Variants in ZNF367 observed in about 807,000 individuals in gnomAD.
ZNF367 encodes the protein C2H2 zinc finger protein ZFF29.
Under a neutral mutation model 31.8 loss-of-function variants are expected in ZNF367, and 11 were observed. The ratio of observed to expected loss-of-function variants is 0.35; its 90% CI spans 0.22 to 0.57. ZNF367 has a LOEUF of 0.57. Among genes scored for constraint, ZNF367 ranks in the 20% least tolerant of loss-of-function variants. The pLI is 0.85. For missense variants in ZNF367, 353 were observed against 484.1 expected (o/e 0.73, Z 2.54); for synonymous variants, 199 against 202.4 (o/e 0.98, Z 0.14).
In ZNF367 at chr9:96,417,674, G is replaced by T; in HGVS notation, c.359C>A (p.Ala120Asp). The change falls in exon 1 of 5, where the codon GCC becomes GAC. Residue 120 changes from alanine (A) to aspartate (D), a missense_variant. By Grantham distance (126) the Ala-to-Asp change is moderately radical. Coordinates refer to ENST00000375256, the MANE Select transcript of ZNF367 (RefSeq NM_153695.4). This position sits in a 1 kb window ranked among gnomAD's most constrained non-coding sequence, Gnocchi z 5.0. ...CTCGTCCTCACCTCCCGAGGCGGCG[G>T]CGGAGGCCGAGGCGGCGGGCGGGGG... is the stretch of plus-strand genomic sequence containing the variant. ...GAPPPAASAS[A>D]AASGGEDEEE... is the part of the protein sequence containing the mutation. 1 of 1,079,440 alleles carries T rather than the reference G, an allele frequency of 9.3e-7. No individual in the cohort carries two copies. The highest frequency in any genetic ancestry group is 1.2e-6 in the Non-Finnish European group (1 of 857,332). The allele number at this position is 1,079,440 out of a possible 1,614,324, so 66.9% of individuals were successfully genotyped here.
intron 1 of ZNF367, among the ~76,000 whole-genome samples, chr9:96,409,740 CAA>C (rs1368402966): frequency 1.3e-5 from 2 of 152,164 alleles, no homozygotes; most frequent in Non-Finnish European, 2.9e-5. Context: ...ACATATAGCT[CAA>C]GTCTTGCTTG....
Position 96,388,387 on chromosome 9 carries a change from C to T in ZNF367, c.903G>A (p.Gln301=). ...GKLVQKADQE[Q]QDPLEYLQSD... Reference sequence around the variant, plus strand: ...ACTGAAGGTATTCCAGAGGGTCCTGCTGCTCCTGATCAGCCTTCTGAACCA... The same window carrying T: ...ACTGAAGGTATTCCAGAGGGTCCTGTTGCTCCTGATCAGCCTTCTGAACCA... Residue 301 remains glutamine (Q), a synonymous_variant, in exon 5 of 5, where the codon CAG becomes CAA. Coordinates refer to ENST00000375256, the MANE Select transcript of ZNF367 (RefSeq NM_153695.4). The T allele has an allele frequency of 6.2e-7, 1 of 1,614,072 alleles. No homozygotes were observed. The highest frequency in any genetic ancestry group is 1.7e-5 in the Admixed American group (1 of 60,028).
chr9:96,394,257 C>T (rs1033795304), intron 3 of ZNF367, among the ~76,000 whole-genome samples: 1 of 152,184 alleles, frequency 6.6e-6, no homozygotes. Context: ...ATCACTTGTT[C>T]TCACTTATTT....
Position 96,388,058 on chromosome 9 carries a change from C to T in ZNF367, c.*179G>A, listed in dbSNP as rs1056353930. 1.0e-5 allele frequency: 6 copies of T among 598,284 alleles called. No individual in the cohort carries two copies. Among genetic ancestry groups the T allele is most frequent in the Admixed American group, 6.9e-5 (2 of 28,950 alleles). 37.1% of individuals were successfully genotyped at this position (598,284 alleles called of 1,614,324 possible). On this transcript the variant is annotated 3_prime_UTR_variant, in exon 5 of 5. Coordinates refer to ENST00000375256, the MANE Select transcript of ZNF367 (RefSeq NM_153695.4). The stretch of plus-strand genomic sequence containing the variant: ...TTTAAACTTTACGATGAATTCATTT[C>T]CATATTAAAAAAGTGCAGTTCTCTC...
chr9:96,407,705 A>G, intron 1 of ZNF367: 1 of 1,383,066 alleles, frequency 7.2e-7, no homozygotes, highest in Middle Eastern at 1.8e-4. Context: ...CGAACAGGAA[A>G]GAAGGCATGG....
chr9:96,414,859 A>G (rs1011435451), intron 1 of ZNF367, among the ~76,000 whole-genome samples: 2 of 152,218 alleles, frequency 1.3e-5, no homozygotes, highest in Non-Finnish European at 2.9e-5. Context: ...TTTCATCTAT[A>G]TAACATTAAT....
chr9:96,414,366 G>T (rs1268686959), intron 1 of ZNF367, among the ~76,000 whole-genome samples: 7 of 152,142 alleles, frequency 4.6e-5, no homozygotes, highest in Non-Finnish European at 5.9e-5. Flanking sequence ...AAAGAAAAAA[G>T]CAGAAATATA....
intron 1 of ZNF367, among the ~76,000 whole-genome samples, chr9:96,401,841 A>T (rs554670816): frequency 5.2e-4 from 79 of 150,964 alleles, no homozygotes; most frequent in Non-Finnish European, 8.9e-4. Flanking sequence ...AAAAAAAAAA[A>T]TTTTTAAATT....
At position 96,415,612 on chromosome 9, in the gene ZNF367, C is replaced by A. The variant is rs556235017; in HGVS notation, c.420+2001G>T. ...TCCCGAGTTCTACCAATTCTCCTGC[C>A]TTAGCCTCCCAAGTAGCTGGGATTA... On this transcript the variant is annotated intron_variant, in intron 1 of 4. Coordinates refer to ENST00000375256, the MANE Select transcript of ZNF367 (RefSeq NM_153695.4). 6.9e-5 allele frequency among the ~76,000 whole-genome samples: 10 copies of A among 145,548 alleles called. No individual in the cohort carries two copies. The South Asian group carries it at 2.2e-3, about 32-fold the overall frequency.
chr9:96,406,687 C>T (rs553388385), intron 1 of ZNF367, among the ~76,000 whole-genome samples: 1 of 152,012 alleles, frequency 6.6e-6, no homozygotes, highest in Non-Finnish European at 1.5e-5. Context: ...TTAGCCATTA[C>T]AGTTAACTTT....
chr9:96,416,577 T>G (rs1831833709), intron 1 of ZNF367, among the ~76,000 whole-genome samples: 1 of 152,242 alleles, frequency 6.6e-6, no homozygotes, highest in African/African-American at 2.4e-5. Context: ...TCGTTTCAAC[T>G]TATACATTAT....
At chr9:96,403,337 AAAT>A (rs1185006106) in intron 1 of ZNF367, among the ~76,000 whole-genome samples, 1 of 152,200 alleles carries the variant, frequency 6.6e-6, no homozygotes, top group Non-Finnish European at 1.5e-5. Flanking sequence ...ACCTTGACAC[AAAT>A]AATACCAAAA....
Position 96,392,493 on chromosome 9 carries a change from C to T in ZNF367, c.735G>A (p.Lys245=), listed in dbSNP as rs1356216142. Residue 245 remains lysine (K), a synonymous_variant, in exon 4 of 5, where the codon AAG becomes AAA. Coordinates refer to ENST00000375256, the MANE Select transcript of ZNF367 (RefSeq NM_153695.4). The stretch of plus-strand genomic sequence containing the variant: ...CTCTCTTCAGCCTGGCGTAGGGGTG[C>T]TTCGGACAGTGGCGGTTTGCATGGG... ...RFTHANRHCP[K]HPYARLKREE... The T allele has an allele frequency of 6.2e-7, 1 of 1,612,422 alleles. No homozygotes were observed. The highest frequency in any genetic ancestry group is 2.2e-5 in the East Asian group (1 of 44,802).
chr9:96,403,994 G>A (rs1287646922), intron 1 of ZNF367, among the ~76,000 whole-genome samples: 2 of 151,220 alleles, frequency 1.3e-5, no homozygotes, highest in Admixed American at 1.3e-4. Flanking sequence ...AAAAATTCGA[G>A]ATCAGCCTGG....
chr9:96,409,181 A>G (rs1831710501), intron 1 of ZNF367, among the ~76,000 whole-genome samples: 1 of 152,214 alleles, frequency 6.6e-6, no homozygotes, highest in South Asian at 2.1e-4. Context: ...CACCAGAAGC[A>G]GATTCTGGTG....
intron 1 of ZNF367, among the ~76,000 whole-genome samples, chr9:96,415,007 A>T (rs1202834196): frequency 1.3e-5 from 2 of 152,096 alleles, no homozygotes; most frequent in Non-Finnish European, 2.9e-5. Flanking sequence ...TAAAAGACTA[A>T]AACTTATAAA....
chr9:96,406,414 A>G (rs904647805), intron 1 of ZNF367, among the ~76,000 whole-genome samples: 1 of 152,248 alleles, frequency 6.6e-6, no homozygotes, highest in Non-Finnish European at 1.5e-5. Flanking sequence ...TCTAGGATAA[A>G]TCATGTTTTA....
At chr9:96,402,449 T>C (rs1178274582) in intron 1 of ZNF367, among the ~76,000 whole-genome samples, 52 of 123,334 alleles carry the variant, frequency 4.2e-4, no homozygotes, top group African/African-American at 1.4e-3. Flanking sequence ...TCTTTCTTTT[T>C]TTTTTTTTTT....
At chr9:96,389,840 G>A (rs184741116) in intron 4 of ZNF367, among the ~76,000 whole-genome samples, 209 of 150,570 alleles carry the variant, frequency 1.4e-3, no homozygotes, top group Middle Eastern at 7.1e-3. Context: ...AACTATTCTC[G>A]TGCCTCAGCC....
Sources: gnomAD v4.1 joint callset for allele counts (sites outside exome capture counted in the v4.1 genomes callset) on GRCh38, gnomAD v4.1.1 for gene constraint, Gnocchi (gnomAD v3.1) non-coding constraint, MANE v1.5 for transcripts, NCBI Gene and HGNC (gene_info 2026-07-23, HGNC 2026-07-21) for gene names.